The following RAVER2 variants were observed in gnomAD, a reference collection of about 807,000 sequenced individuals.
RAVER2 encodes ribonucleoprotein, PTB binding 2.
In RAVER2, 46 loss-of-function variants were observed where a neutral mutation model predicts 78.1. The ratio of observed to expected loss-of-function variants is 0.59; its 90% CI spans 0.46 to 0.75. RAVER2 has a LOEUF of 0.75. Ranked by LOEUF, RAVER2 falls within the 30% of genes least tolerant of loss-of-function variation. The pLI, the probability that RAVER2 is intolerant of heterozygous loss-of-function variation, is 0.00. For missense variants in RAVER2, 793 were observed against 837.5 expected (o/e 0.95, Z 0.66); for synonymous variants, 311 against 313.3 (o/e 0.99, Z 0.08).
intron 1 of RAVER2, among the ~76,000 whole-genome samples, chr1:64,748,687 A>G (rs760019620): frequency 1.7e-4 from 26 of 152,216 alleles, no homozygotes; most frequent in Non-Finnish European, 3.5e-4. Flanking sequence ...AAAATGTACT[A>G]TATTTGACTT....
At chr1:64,771,206 G>C (rs1242062358) in intron 2 of RAVER2, among the ~76,000 whole-genome samples, 1 of 151,722 alleles carries the variant, frequency 6.6e-6, no homozygotes, top group African/African-American at 2.4e-5. Context: ...CAAAGATTAA[G>C]ATGACCATAG....
At chr1:64,831,825 T>TA (rs1391789324) in exon 12 of RAVER2, 1 of 152,202 alleles carries the variant, frequency 6.6e-6, no homozygotes, top group African/African-American at 2.4e-5. Context: ...TGTCCATAAA[T>TA]AAACTTTTAT....
At chr1:64,827,244 A>C (rs949276319) in intron 11 of RAVER2, among the ~76,000 whole-genome samples, 13 of 152,330 alleles carry the variant, frequency 8.5e-5, no homozygotes, top group African/African-American at 3.1e-4. Context: ...AAAGCAAAGC[A>C]TCAGCTGAGA....
At chr1:64,748,094 C>G (rs530919162) in intron 1 of RAVER2, among the ~76,000 whole-genome samples, 1 of 152,234 alleles carries the variant, frequency 6.6e-6, no homozygotes, top group East Asian at 1.9e-4. Context: ...GTATTTTTAA[C>G]TGGAAGCTTT....
At chr1:64,831,710 C>T (rs959818052) in exon 12 of RAVER2, 4 of 152,162 alleles carry the variant, frequency 2.6e-5, no homozygotes, top group African/African-American at 7.2e-5. Context: ...GTCTACCACC[C>T]GCTTTTGTGC....
chr1:64,777,579 TCAAA>T, intron 2 of RAVER2, 40 bp from the exon 3 acceptor site: 2 of 1,484,960 alleles, frequency 1.3e-6, no homozygotes, highest in Non-Finnish European at 1.8e-6. Context: ...TACTGTGTTT[TCAAA>T]CAATTTGAAA....
At chr1:64,781,465 C>T (rs1652625577) in exon 4 of RAVER2, 1 of 1,614,036 alleles carries the variant, frequency 6.2e-7, no homozygotes, top group Non-Finnish European at 8.5e-7. Flanking sequence ...GTCCAGCAGG[C>T]AGCAGACGGT....
intron 2 of RAVER2, among the ~76,000 whole-genome samples, chr1:64,776,522 TA>T (rs1652470274): frequency 1.3e-5 from 2 of 152,238 alleles, no homozygotes; most frequent in Admixed American, 6.5e-5. Context: ...CCATGCTACT[TA>T]AATTACTTCT....
intron 1 of RAVER2, among the ~76,000 whole-genome samples, chr1:64,765,052 G>A (rs1652137404): frequency 1.3e-5 from 2 of 152,076 alleles, no homozygotes; most frequent in Admixed American, 1.3e-4. Context: ...GGAAATTAAG[G>A]CCACAATGAG....
chr1:64,808,861 T>A (rs1396251389), intron 9 of RAVER2, among the ~76,000 whole-genome samples: 1 of 152,166 alleles, frequency 6.6e-6, no homozygotes, highest in Non-Finnish European at 1.5e-5. Context: ...TATGAATACT[T>A]CATGTCTCTT....
intron 5 of RAVER2, among the ~76,000 whole-genome samples, chr1:64,798,930 G>T (rs1042429651): frequency 7.9e-5 from 12 of 152,150 alleles, no homozygotes; most frequent in Admixed American, 6.5e-4. Flanking sequence ...ATATCATTGT[G>T]TTGGGAGCAT....
At chr1:64,791,559 C>T (rs1652941782) in intron 5 of RAVER2, among the ~76,000 whole-genome samples, 1 of 152,190 alleles carries the variant, frequency 6.6e-6, no homozygotes, top group Non-Finnish European at 1.5e-5. Flanking sequence ...CTTTATTATA[C>T]AACAATATTC....
chr1:64,805,033 A>T (rs769414820), exon 8 of RAVER2: 1 of 1,614,008 alleles, frequency 6.2e-7, no homozygotes, highest in East Asian at 2.2e-5. Context: ...GGTACTTCAG[A>T]CTGCACTAGG....
chr1:64,803,894 G>A (rs905891789), intron 6 of RAVER2, among the ~76,000 whole-genome samples: 1 of 152,140 alleles, frequency 6.6e-6, no homozygotes, highest in African/African-American at 2.4e-5. Flanking sequence ...ACAATAAGGA[G>A]TGGAGAGTAA....
intron 4 of RAVER2, among the ~76,000 whole-genome samples, chr1:64,782,022 G>C (rs1652644631): frequency 6.6e-6 from 1 of 152,110 alleles, no homozygotes; most frequent in Non-Finnish European, 1.5e-5. Context: ...TCCTGCCTCA[G>C]TCTCCCGAGT....
At chr1:64,763,917 TACACACACACACACACACACACAC>T (rs58298918) in intron 1 of RAVER2, among the ~76,000 whole-genome samples, 5 of 133,738 alleles carry the variant, frequency 3.7e-5, no homozygotes, top group Non-Finnish European at 8.1e-5. Flanking sequence ...AAAACAAAAA[TACACACACACACACACACACACAC>T]ACACACACAC....
At chr1:64,759,555 C>G (rs1321665456) in intron 1 of RAVER2, among the ~76,000 whole-genome samples, 1 of 126,548 alleles carries the variant, frequency 7.9e-6, no homozygotes, top group African/African-American at 3.0e-5. Context: ...TTCGCTCTAA[C>G]GCCCAGGCTG....
intron 11 of RAVER2, 135 bp from the exon 12 acceptor site, chr1:64,830,704 T>C (rs1194287998): frequency 1.3e-6 from 1 of 766,204 alleles, no homozygotes; most frequent in East Asian, 2.9e-5. Flanking sequence ...GGTTTGTGTA[T>C]TTTTTGATAG....
intron 11 of RAVER2, among the ~76,000 whole-genome samples, chr1:64,817,303 G>A (rs1203040257): frequency 6.6e-6 from 1 of 152,188 alleles, no homozygotes. Context: ...TACAGTGTTG[G>A]TGGGACTGTA....
Sources: allele counts gnomAD v4.1 joint callset (sites outside exome capture counted in the v4.1 genomes callset), GRCh38; gene constraint gnomAD v4.1.1; transcripts MANE v1.5; gene names NCBI Gene and HGNC (gene_info 2026-07-23, HGNC 2026-07-21).